Variants in TRIM66 observed in about 807,000 individuals in gnomAD.
The protein encoded by TRIM66 is tripartite motif containing 66.
Under a neutral mutation model 148.2 loss-of-function variants are expected in TRIM66, and 99 were observed. The observed-to-expected ratio is 0.67, with a 90% CI of 0.57 to 0.79. The LOEUF (loss-of-function observed/expected upper bound fraction) is 0.79. Among genes scored for constraint, TRIM66 ranks in the 30% least tolerant of loss-of-function variants. The probability of loss-of-function intolerance (pLI) is 0.00; values close to 1 mark genes in which losing one functional copy is unlikely to be tolerated. For synonymous variants in TRIM66, 616 were observed against 635.9 expected (o/e 0.97, Z 0.47); for missense variants, 1,666 against 1,697.9 (o/e 0.98, Z 0.33).
chr11:8,655,643 C>A (rs1332460552), intron 6 of TRIM66, among the ~76,000 whole-genome samples: 1 of 151,880 alleles, frequency 6.6e-6, no homozygotes, highest in African/African-American at 2.4e-5. Context: ...ATTAGTCAGG[C>A]GTGGTGGTGG....
At chr11:8,673,520 G>T (rs960825197) in intron 4 of TRIM66, among the ~76,000 whole-genome samples, 1 of 152,090 alleles carries the variant, frequency 6.6e-6, no homozygotes, top group Non-Finnish European at 1.5e-5. Flanking sequence ...CAACATTGTG[G>T]CACAAAATGA....
chr11:8,624,408 C>T lies in TRIM66; in HGVS notation c.2970G>A (p.Ala990=), dbSNP rs375824878. 72 of 1,551,562 alleles carry T rather than the reference C, an allele frequency of 4.6e-5. No homozygotes were observed. The African/African-American group carries it at 7.4e-4, about 16-fold the overall frequency. ...INLSVKKPPL[A]PVVSTSTALQ... ...GAGCTGTAGACGTGCTGACCACTGG[C>T]GCCAGTGGAGGTTTCTTCACAGAGA... is the stretch of plus-strand genomic sequence containing the variant. Residue 990 remains alanine (A), a synonymous_variant, in exon 17 of 25, where the codon GCG becomes GCA. Coordinates refer to ENST00000646038, the MANE Select transcript of TRIM66 (RefSeq NM_001388022.1).
chr11:8,618,903 C>G lies in TRIM66; in HGVS notation c.3966G>C (p.Glu1322Asp), dbSNP rs369568930. 2.0e-3 allele frequency: 3,104 copies of G among 1,551,400 alleles called. 77 individuals carry two copies. The South Asian group carries it at 0.034, about 17-fold the overall frequency. ...LEVFFEGWLK[E>D]IYPEKRFAQP... ...GGGCAAACCGTTTCTCCGGGTAGATCTCCTTCAACCAGCCCTCAAAGAACA... is the reference window on the plus strand; with the variant it reads ...GGGCAAACCGTTTCTCCGGGTAGATGTCCTTCAACCAGCCCTCAAAGAACA... The change falls in exon 24 of 25, where the codon GAG becomes GAC. Residue 1322 changes from glutamate (E) to aspartate (D), a missense_variant. By Grantham distance (45) the Glu-to-Asp change is conservative. This residue lies in a region of TRIM66 where 204 missense variants were observed against 231.0 expected (regional missense o/e 0.88). Transcript: ENST00000646038.
At chr11:8,666,054 A>C (rs2038569907) in intron 6 of TRIM66, among the ~76,000 whole-genome samples, 1 of 152,004 alleles carries the variant, frequency 6.6e-6, no homozygotes, top group African/African-American at 2.4e-5. Flanking sequence ...AGAATATAAG[A>C]AGCTGGGCGC....
Position 8,648,457 on chromosome 11 carries a change from G to A in TRIM66, c.684C>T (p.Leu228=), listed in dbSNP as rs1157971695. Residue 228 remains leucine, a synonymous_variant, in exon 9 of 25, where the codon CTC becomes CTT. Coordinates refer to ENST00000646038, the MANE Select transcript of TRIM66 (RefSeq NM_001388022.1). ...LKLFCETCDM[L]TCHSCLVVEH... ...CCACCACTAGGCAGCTATGGCAAGT[G>A]AGCATATCACATGTCTCACAGAATA... 1.3e-6 allele frequency: 2 copies of A among 1,551,728 alleles called. No homozygotes were observed. Among genetic ancestry groups the A allele is most frequent in the Non-Finnish European group, 1.7e-6 (2 of 1,147,014 alleles).
At position 8,624,846 on chromosome 11, in the gene TRIM66, C is replaced by G. The variant is rs1211631791; in HGVS notation, c.2693G>C (p.Cys898Ser). ...HTQAVPSLAT[C>S]PLQSIPPVSD... ...AACTGGAGGGATGCTCTGCAGAGGA[C>G]AAGTTGCCAGACTCGGCACAGCCTG... Residue 898 changes from cysteine to serine, a missense_variant, in exon 16 of 25, where the codon TGT becomes TCT. By Grantham distance (112) the Cys-to-Ser change is moderately radical (BLOSUM62 -1). Coordinates refer to ENST00000646038, the MANE Select transcript of TRIM66 (RefSeq NM_001388022.1). 1 of 1,551,748 alleles carries G rather than the reference C, an allele frequency of 6.4e-7. No homozygotes were observed. Among genetic ancestry groups the G allele is most frequent in the South Asian group, 1.2e-5 (1 of 84,058 alleles).
intron 15 of TRIM66, among the ~76,000 whole-genome samples, chr11:8,632,732 T>G (rs2035530831): frequency 6.6e-6 from 1 of 152,164 alleles, no homozygotes; most frequent in Non-Finnish European, 1.5e-5. Context: ...AAGTGTGGGA[T>G]TACAGGTGTA....
rs1351424874 is a variant in TRIM66 at position 8,619,132 on chromosome 11, C to T, written c.3901-164G>A. The stretch of plus-strand genomic sequence containing the variant: ...CTCAGGAAAACTAGTTTGGTAGCAG[C>T]TCTTATAGCAGAAGTGACCCCAACA... On this transcript the variant is annotated intron_variant, in intron 23 of 24. Transcript: ENST00000646038. The T allele has an allele frequency of 3.1e-5, 23 of 750,536 alleles. No homozygotes were observed. In the South Asian group the frequency reaches 3.9e-4, roughly 13 times the overall value. 46.5% of individuals were successfully genotyped at this position (750,536 alleles called of 1,614,324 possible). A position where few individuals can be genotyped will look rare whatever the true frequency, so the allele number is the denominator to read the frequency against.
chr11:8,682,881 G>C (rs1207685464), upstream of TRIM66: 1 of 1,551,018 alleles, frequency 6.4e-7, no homozygotes, highest in Non-Finnish European at 8.7e-7. Flanking sequence ...TATTCCCATT[G>C]CCCCTAGTCA....
At chr11:8,668,492 A>G (rs2038735484) in intron 6 of TRIM66, among the ~76,000 whole-genome samples, 3 of 152,212 alleles carry the variant, frequency 2.0e-5, no homozygotes, top group Non-Finnish European at 4.4e-5. Flanking sequence ...ACTGGTTGTC[A>G]GGCAGAAACC....
In TRIM66 at chr11:8,640,379, A is replaced by T; in HGVS notation, c.1996T>A (p.Leu666Met). ...KFELEEMQKD[L>M]ELLLQAQQPS... ...TGTTGAGCCTGGAGAAGAAGCTCCA[A>T]GTCCTTCTGCATTTCCTCCAGCTCA... The change falls in exon 14 of 25, where the codon TTG (leucine) becomes ATG (methionine). Residue 666 changes from leucine to methionine, a missense_variant. By Grantham distance (15) the Leu-to-Met change is conservative (BLOSUM62 2). This residue lies in a region of TRIM66 where 1,431 missense variants were observed against 1,412.4 expected (regional missense o/e 1.01). Transcript: ENST00000646038. The T allele has an allele frequency of 1.9e-6, 3 of 1,551,878 alleles. No individual in the cohort carries two copies. The highest frequency in any genetic ancestry group is 2.6e-6 in the Non-Finnish European group (3 of 1,147,056).
At chr11:8,672,823 G>C (rs565101835) in intron 4 of TRIM66, among the ~76,000 whole-genome samples, 75 of 151,770 alleles carry the variant, frequency 4.9e-4, no homozygotes, top group African/African-American at 1.7e-3. Context: ...AGTAGACAGA[G>C]TTTCACCATG....
chr11:8,661,157 G>A (rs1241194335), intron 6 of TRIM66, among the ~76,000 whole-genome samples: 1 of 152,212 alleles, frequency 6.6e-6, no homozygotes, highest in Non-Finnish European at 1.5e-5. Flanking sequence ...GGAAAGAATA[G>A]GGAATAAACT....
intron 1 of TRIM66, among the ~76,000 whole-genome samples, chr11:8,682,117 G>C (rs1453072189): frequency 2.0e-5 from 3 of 152,168 alleles, no homozygotes; most frequent in African/African-American, 7.2e-5. Flanking sequence ...GGACCATAAA[G>C]CAACCAGGCA....
intron 6 of TRIM66, among the ~76,000 whole-genome samples, chr11:8,658,343 T>C (rs1276008089): frequency 1.3e-5 from 2 of 152,190 alleles, no homozygotes; most frequent in Non-Finnish European, 2.9e-5. Flanking sequence ...GAAAACGACA[T>C]TTTCAACTTT....
At chr11:8,649,160 G>A (rs1592134567) in intron 8 of TRIM66, among the ~76,000 whole-genome samples, 1 of 152,188 alleles carries the variant, frequency 6.6e-6, no homozygotes, top group Non-Finnish European at 1.5e-5. Flanking sequence ...CCAACATGGC[G>A]AAACCCCATC....
intron 8 of TRIM66, among the ~76,000 whole-genome samples, 172 bp downstream of exon 8, chr11:8,649,568 G>A (rs1003490496): frequency 1.3e-5 from 2 of 152,180 alleles, no homozygotes; most frequent in East Asian, 3.8e-4. Context: ...GGAGGGACGA[G>A]AGTGAGTCAC....
At chr11:8,622,570 G>T (rs1290749318) in intron 18 of TRIM66, among the ~76,000 whole-genome samples, 1 of 151,110 alleles carries the variant, frequency 6.6e-6, no homozygotes, top group African/African-American at 2.4e-5. Flanking sequence ...GTGTAGTCCT[G>T]GTCAAAGACA....
At chr11:8,622,606 C>T (rs1365234801) in intron 18 of TRIM66, among the ~76,000 whole-genome samples, 1 of 151,754 alleles carries the variant, frequency 6.6e-6, no homozygotes, top group Non-Finnish European at 1.5e-5. Flanking sequence ...GCAAGGGCGG[C>T]ACCCAGAGCG....
Sources: allele counts gnomAD v4.1 joint callset (sites outside exome capture counted in the v4.1 genomes callset), GRCh38; gene constraint gnomAD v4.1.1; regional missense constraint gnomAD v4.1.1; transcripts MANE v1.5; gene names NCBI Gene and HGNC (gene_info 2026-07-23, HGNC 2026-07-21).